The following EXOSC9 variants were observed in gnomAD, a reference collection of about 807,000 sequenced individuals.
The protein encoded by EXOSC9 is exosome component 9, also known as exosome complex component RRP45.
Under a neutral mutation model 56.5 loss-of-function variants are expected in EXOSC9, and 38 were observed. The observed-to-expected ratio is 0.67, with a 90% confidence interval of 0.52 to 0.88. The LOEUF is 0.88. Among genes scored for constraint, EXOSC9 ranks in the 40% least tolerant of loss-of-function variants. The pLI is 0.00. For synonymous variants in EXOSC9, 170 were observed against 170.8 expected (o/e 0.99, Z 0.04); for missense variants, 559 against 530.5 (o/e 1.05, Z -0.53).
In EXOSC9 at chr4:121,807,836, A is replaced by G. The variant is rs563100795; in HGVS notation, c.605+214A>G. The G allele has an allele frequency of 7.9e-4, 457 of 579,888 alleles. 3 individuals are homozygous for G. Among genetic ancestry groups the G allele is most frequent in the Middle Eastern group, 1.9e-3 (5 of 2,612 alleles). 35.9% of individuals were successfully genotyped at this position (579,888 alleles called of 1,614,324 possible). A position where few individuals can be genotyped will look rare whatever the true frequency, so the allele number is the denominator to read the frequency against. ...TACTTTGATGAAGATACTTCCCAAC[A>G]TTTTTCTTTTCATGGGATACTTATA... On this transcript the variant is annotated intron_variant, in intron 6 of 11. Transcript: ENST00000243498.
chr4:121,804,528 GA>G (rs1317478674), intron 4 of EXOSC9, 93 bp from the exon 5 acceptor site: 2 of 823,032 alleles, frequency 2.4e-6, no homozygotes, highest in Non-Finnish European at 3.7e-6. Flanking sequence ...TTAACAGCAA[GA>G]AAAAATAATT....
At chr4:121,814,579 T>C (rs914198173) in intron 10 of EXOSC9, 1 of 151,850 alleles carries the variant, frequency 6.6e-6, no homozygotes, top group Non-Finnish European at 1.5e-5. Flanking sequence ...AAACTTTCTA[T>C]GATGATAGAA....
At chr4:121,808,737 G>T (rs769584464) in intron 6 of EXOSC9, among the ~76,000 whole-genome samples, 4 of 151,160 alleles carry the variant, frequency 2.6e-5, no homozygotes, top group Non-Finnish European at 4.4e-5. Context: ...GAGTGCAGTG[G>T]CGTGATCATG....
At chr4:121,807,800 C>T in intron 6 of EXOSC9, 178 bp downstream of exon 6, 1 of 604,050 alleles carries the variant, frequency 1.7e-6, no homozygotes, top group Non-Finnish European at 3.0e-6. Flanking sequence ...GTAGAAGTAA[C>T]AAAACTCTTA....
At position 121,809,955 on chromosome 4, in the gene EXOSC9, C is replaced by T. The variant is rs371709787; in HGVS notation, c.606-12C>T. 3.1e-4 allele frequency: 493 copies of T among 1,613,850 alleles called. No individual in the cohort carries two copies. Among genetic ancestry groups the T allele is most frequent in the Non-Finnish European group, 3.7e-4 (442 of 1,179,904 alleles). ...CTCAGATTTGTTCAGGTCCATTTAA[C>T]ATTCATTTCAGAACATATTTATTGG... On this transcript the variant is annotated splice_polypyrimidine_tract_variant and intron_variant, in intron 6 of 11. Transcript: ENST00000243498.
intron 4 of EXOSC9, among the ~76,000 whole-genome samples, chr4:121,803,612 C>T (rs1394060496): frequency 2.0e-5 from 3 of 152,162 alleles, no homozygotes; most frequent in Admixed American, 2.0e-4. Context: ...GCAATCTCAG[C>T]TCACTGCAAC....
At chr4:121,806,122 TG>T (rs1160551341) in intron 5 of EXOSC9, among the ~76,000 whole-genome samples, 1 of 151,754 alleles carries the variant, frequency 6.6e-6, no homozygotes, top group African/African-American at 2.4e-5. Context: ...CTCTCTTATA[TG>T]TACATCTTTC....
chr4:121,809,101 T>C (rs553848905), intron 6 of EXOSC9, among the ~76,000 whole-genome samples: 4 of 152,160 alleles, frequency 2.6e-5, no homozygotes, highest in Admixed American at 2.0e-4. Flanking sequence ...TCCTCCCACC[T>C]CAGCCTTCCA....
intron 6 of EXOSC9, among the ~76,000 whole-genome samples, chr4:121,808,224 T>C (rs1165630626): frequency 2.6e-5 from 4 of 151,360 alleles, no homozygotes; most frequent in African/African-American, 9.7e-5. Flanking sequence ...GATAAAAATA[T>C]TTCACACAGT....
chr4:121,802,923 A>G lies in EXOSC9; in HGVS notation c.290A>G (p.Asp97Gly). The G allele has an allele frequency of 2.5e-6, 4 of 1,613,888 alleles. No individual in the cohort carries two copies. Among genetic ancestry groups the G allele is most frequent in the Non-Finnish European group, 3.4e-6 (4 of 1,179,784 alleles). ...APAFEPGRQS[D>G]LLVKLNRLME... ...CTATTTTCTCCTTATAGGCAGTCAG[A>G]TCTCTTGGTGAAGTTGAATCGACTC... The change falls in exon 4 of 12, where the codon GAT becomes GGT. Residue 97 changes from aspartate to glycine, a missense_variant. By Grantham distance (94) the Asp-to-Gly change is moderately conservative. Coordinates refer to ENST00000243498, the MANE Select transcript of EXOSC9 (RefSeq NM_005033.3).
Position 121,802,696 on chromosome 4 carries a change from G to A in EXOSC9, c.184G>A (p.Glu62Lys). Residue 62 changes from glutamate to lysine, a missense_variant, in exon 3 of 12, where the codon GAA becomes AAA. Glu to Lys is a moderately conservative substitution (Grantham distance 56). Transcript: ENST00000243498. ...KTRVLGQVSC[E>K]LVSPKLNRAT... Reference sequence around the variant, plus strand: ...CAGAGTTCTTGGACAGGTTTCCTGTGAACTTGTGTCTCCAAAACTCAATCG... The same window carrying A: ...CAGAGTTCTTGGACAGGTTTCCTGTAAACTTGTGTCTCCAAAACTCAATCG... The A allele has an allele frequency of 6.2e-7, 1 of 1,614,044 alleles. No homozygotes were observed. The highest frequency in any genetic ancestry group is 8.5e-7 in the Non-Finnish European group (1 of 1,179,970).
intron 7 of EXOSC9, among the ~76,000 whole-genome samples, chr4:121,811,159 CTTG>C (rs1333210792): frequency 1.3e-5 from 2 of 152,134 alleles, no homozygotes; most frequent in South Asian, 2.1e-4. Flanking sequence ...TTGCCAACAC[CTTG>C]TTGTTATAAG....
chr4:121,801,664 T>G, intron 1 of EXOSC9, 163 bp from the exon 2 acceptor site: 1 of 778,310 alleles, frequency 1.3e-6, no homozygotes, highest in Non-Finnish European at 2.2e-6. Flanking sequence ...AAGGCTCCAG[T>G]CACCGCAGCA....
At chr4:121,806,836 C>G (rs553898359) in intron 5 of EXOSC9, among the ~76,000 whole-genome samples, 162 of 152,012 alleles carry the variant, frequency 1.1e-3, no homozygotes, top group African/African-American at 2.7e-3. Context: ...ATCAGTGATT[C>G]CTTGGGGCTA....
chr4:121,803,069 G>A (rs747783854), intron 4 of EXOSC9, 52 bp downstream of exon 4: 1 of 1,227,592 alleles, frequency 8.1e-7, no homozygotes, highest in Non-Finnish European at 1.2e-6. Flanking sequence ...TGTTGATCAT[G>A]GATCCCGGTA....
Position 121,802,752 on chromosome 4 carries a change from TG to T in EXOSC9, c.241del (p.Glu81AsnfsTer20). The T allele has an allele frequency of 6.2e-7, 1 of 1,614,138 alleles. No homozygotes were observed. Among genetic ancestry groups the T allele is most frequent in the East Asian group, 2.2e-5 (1 of 44,872 alleles). ...CAGAAGGTATTCTTTTTTTTAACCT[TG>T]AACTCTCTCAGATGGCCGCTCCAGC... ...ATEGILFFNL[E>X]LSQMAAPAFE... is the part of the protein sequence containing the mutation. On this transcript the variant is annotated frameshift_variant, in exon 3 of 12. Transcript: ENST00000243498. LOFTEE classifies it high-confidence loss of function.
At chr4:121,803,774 T>C (rs1280968373) in intron 4 of EXOSC9, among the ~76,000 whole-genome samples, 1 of 152,144 alleles carries the variant, frequency 6.6e-6, no homozygotes, top group African/African-American at 2.4e-5. Context: ...CCTCAAGTGA[T>C]TCACCTGCCT....
At chr4:121,808,395 T>C (rs1727108653) in intron 6 of EXOSC9, among the ~76,000 whole-genome samples, 1 of 152,200 alleles carries the variant, frequency 6.6e-6, no homozygotes, top group Admixed American at 6.5e-5. Flanking sequence ...GGTCTGGCTT[T>C]GTTGCCCAAT....
chr4:121,811,464 CAT>C, intron 7 of EXOSC9, 117 bp from the exon 8 acceptor site: 1 of 540,778 alleles, frequency 1.8e-6, no homozygotes, highest in Non-Finnish European at 3.2e-6. Context: ...ACATTGTATT[CAT>C]GTTTGGAAAA....
Sources: allele counts gnomAD v4.1 joint callset (sites outside exome capture counted in the v4.1 genomes callset), GRCh38; gene constraint gnomAD v4.1.1; transcripts MANE v1.5; gene names NCBI Gene and HGNC (gene_info 2026-07-23, HGNC 2026-07-21).